RGS20: variants seen among roughly 807,000 people sequenced by gnomAD.
RGS20 encodes gz-selective GTPase-activating protein.
Under a neutral mutation model 33.6 loss-of-function variants are expected in RGS20, and 30 were observed. The ratio of observed to expected loss-of-function variants is 0.89; its 90% CI spans 0.67 to 1.21. RGS20 has a LOEUF of 1.21. RGS20 is among the 50% of genes most tolerant of loss of function. The pLI, the probability that RGS20 is intolerant of heterozygous loss-of-function variation, is 0.00. For missense variants in RGS20, 472 were observed against 502.4 expected, an observed-to-expected ratio of 0.94 and a Z score of 0.58; for synonymous variants, 208 against 197.9, an observed-to-expected ratio of 1.05 and a Z score of -0.43.
At chr8:53,927,201 GTTTT>G (rs553191513) in intron 2 of RGS20, among the ~76,000 whole-genome samples, 6,440 of 126,946 alleles carry the variant, frequency 0.051, 335 homozygotes, top group African/African-American at 0.15. Context: ...TTTTTGGGGC[GTTTT>G]TTTTTTTTTT....
At chr8:53,889,846 T>C (rs1812664432) in intron 2 of RGS20, among the ~76,000 whole-genome samples, 1 of 152,092 alleles carries the variant, frequency 6.6e-6, no homozygotes, top group Admixed American at 6.6e-5. Flanking sequence ...TGTTGGAAAG[T>C]TATGCTTCTT....
chr8:53,956,475 GA>G (rs1233349134), intron 5 of RGS20, among the ~76,000 whole-genome samples: 3 of 152,164 alleles, frequency 2.0e-5, no homozygotes, highest in Non-Finnish European at 2.9e-5. Flanking sequence ...GAAGACGTTA[GA>G]AAACTAATTC....
intron 2 of RGS20, among the ~76,000 whole-genome samples, chr8:53,901,247 T>A (rs754726175): frequency 3.3e-5 from 5 of 152,026 alleles, no homozygotes; most frequent in Non-Finnish European, 7.4e-5. Context: ...TTTGTATTTT[T>A]AGTAGAGATG....
chr8:53,879,322 G>C lies in RGS20; in HGVS notation c.230G>C (p.Ser77Thr), dbSNP rs373095892. ...CCGAAGCTGTTCGGCCTCCTTTCTA[G>C]CCCGCTTTCCAGCCTCGCAAGGTTC... The change falls in exon 2 of 6, where the codon AGC (serine) becomes ACC (threonine). Residue 77 changes from serine to threonine, a missense_variant. By Grantham distance (58) the Ser-to-Thr change is moderately conservative (BLOSUM62 1). This residue lies in a region of RGS20 where 319 missense variants were observed against 283.4 expected (regional missense o/e 1.13). Transcript: ENST00000297313. 40 of 1,613,066 alleles carry C rather than the reference G, an allele frequency of 2.5e-5. No homozygotes were observed. The highest frequency in any genetic ancestry group is 3.2e-5 in the Non-Finnish European group (38 of 1,179,978).
chr8:53,946,621 G>C lies in RGS20; in HGVS notation c.660-44G>C, dbSNP rs186695963. 3.4e-4 allele frequency: 490 copies of C among 1,462,288 alleles called. 1 individual carries two copies. The highest frequency in any genetic ancestry group is 4.5e-4 in the Non-Finnish European group (472 of 1,049,022). The allele number at this position is 1,462,288 out of a possible 1,614,324, so 90.6% of individuals were successfully genotyped here. A position where few individuals can be genotyped will look rare whatever the true frequency, so the allele number is the denominator to read the frequency against. On this transcript the variant is annotated intron_variant, in intron 3 of 5. Coordinates refer to ENST00000297313, the MANE Select transcript of RGS20 (RefSeq NM_170587.4). ...AAGTATTTGTAAAAAATCTTTTCTT[G>C]GCAGGGACTGAGCTGTCAACATGTG...
intron 1 of RGS20, among the ~76,000 whole-genome samples, chr8:53,878,444 G>GA (rs1253898533): frequency 6.6e-6 from 1 of 151,678 alleles, no homozygotes; most frequent in Admixed American, 6.6e-5. Context: ...CTTTCCAAAA[G>GA]AAAAAAAATA....
rs551906247 is a variant in RGS20 at position 53,914,199 on chromosome 8, T to C, written c.511-25377T>C. 1.6e-3 allele frequency among the ~76,000 whole-genome samples: 249 copies of C among 152,218 alleles called. 1 individual carries two copies. Among genetic ancestry groups the C allele is most frequent in the African/African-American group, 5.7e-3 (238 of 41,528 alleles). On this transcript the variant is annotated intron_variant, in intron 2 of 5. Coordinates refer to ENST00000297313, the MANE Select transcript of RGS20 (RefSeq NM_170587.4). The stretch of plus-strand genomic sequence containing the variant: ...GCATGCATCACCACATCTGGCTAAT[T>C]TTTAAATATTTGTAGAGATAGAGGT...
chr8:53,877,324 G>A lies in RGS20; in HGVS notation c.166-1934G>A, dbSNP rs930957237. Among the ~76,000 whole-genome samples, 4 of 152,116 alleles carry A rather than the reference G, an allele frequency of 2.6e-5. No homozygotes were observed. Among genetic ancestry groups the A allele is most frequent in the Non-Finnish European group, 5.9e-5 (4 of 67,998 alleles). On this transcript the variant is annotated intron_variant, in intron 1 of 5. Transcript: ENST00000297313. This position sits in a 1 kb window ranked among gnomAD's most constrained non-coding sequence, Gnocchi z 5.7. The stretch of plus-strand genomic sequence containing the variant: ...CGTGGCCGCCGAAGTTCCCGCCCTC[G>A]CCGAGGGCCCTCGCTCCGGAGTGGG...
chr8:53,858,473 G>GATGCATATATAT (rs2129267019), intron 1 of RGS20, among the ~76,000 whole-genome samples: 1 of 151,564 alleles, frequency 6.6e-6, no homozygotes, highest in African/African-American at 2.4e-5. Context: ...ATCAGAAATG[G>GATGCATATATAT]ATGCATATAT....
At chr8:53,933,139 C>A (rs1814023291) in intron 2 of RGS20, among the ~76,000 whole-genome samples, 1 of 152,114 alleles carries the variant, frequency 6.6e-6, no homozygotes, top group South Asian at 2.1e-4. Context: ...GTAGATAAAT[C>A]CATGAAGATG....
At chr8:53,922,920 C>T (rs1813692831) in intron 2 of RGS20, among the ~76,000 whole-genome samples, 1 of 152,126 alleles carries the variant, frequency 6.6e-6, no homozygotes, top group Admixed American at 6.5e-5. Flanking sequence ...CTTGACCTCC[C>T]AAAGTGCTGG....
chr8:53,883,664 G>T (rs1812460467), intron 2 of RGS20, among the ~76,000 whole-genome samples: 1 of 152,106 alleles, frequency 6.6e-6, no homozygotes, highest in African/African-American at 2.4e-5. Context: ...CGGCAGCTCA[G>T]CAGAGCACGG....
At chr8:53,926,339 T>C (rs1174055160) in intron 2 of RGS20, among the ~76,000 whole-genome samples, 2 of 152,210 alleles carry the variant, frequency 1.3e-5, no homozygotes, top group African/African-American at 4.8e-5. Flanking sequence ...GGATCCTGCT[T>C]CTTAGGGTCT....
chr8:53,879,218 G>A, intron 1 of RGS20: 3 of 1,561,762 alleles, frequency 1.9e-6, no homozygotes, highest in Middle Eastern at 1.7e-4. Context: ...GGACACCACA[G>A]TAACCGTATG....
chr8:53,898,431 C>T (rs531467543), intron 2 of RGS20, among the ~76,000 whole-genome samples: 24 of 152,290 alleles, frequency 1.6e-4, no homozygotes, highest in African/African-American at 5.8e-4. Flanking sequence ...AACTGGCCTC[C>T]TCCTAATGCT....
chr8:53,892,766 T>A (rs1812749448), intron 2 of RGS20, among the ~76,000 whole-genome samples: 1 of 152,234 alleles, frequency 6.6e-6, no homozygotes, highest in Non-Finnish European at 1.5e-5. Context: ...TTTAAGCCCC[T>A]GACCATGTAT....
chr8:53,900,488 T>C (rs572151195), intron 2 of RGS20, among the ~76,000 whole-genome samples: 1 of 152,234 alleles, frequency 6.6e-6, no homozygotes, highest in African/African-American at 2.4e-5. Context: ...ATATTACTCA[T>C]CGTATTTTTA....
chr8:53,942,568 C>T (rs1488836420), intron 3 of RGS20, among the ~76,000 whole-genome samples: 1 of 152,020 alleles, frequency 6.6e-6, no homozygotes, highest in East Asian at 1.9e-4. Flanking sequence ...CAGCATTCAT[C>T]TGAGTGAGAA....
At chr8:53,885,616 A>C (rs889242631) in intron 2 of RGS20, among the ~76,000 whole-genome samples, 1 of 152,036 alleles carries the variant, frequency 6.6e-6, no homozygotes, top group South Asian at 2.1e-4. Context: ...TCCGTCTCAA[A>C]AAAAAAAATG....
Sources: gnomAD v4.1 joint callset for allele counts (sites outside exome capture counted in the v4.1 genomes callset) on GRCh38, gnomAD v4.1.1 for gene constraint, gnomAD v4.1.1 regional missense constraint, Gnocchi (gnomAD v3.1) non-coding constraint, MANE v1.5 for transcripts, NCBI Gene and HGNC (gene_info 2026-07-23, HGNC 2026-07-21) for gene names.